Variants in PTPRD observed in about 807,000 individuals in gnomAD.
The protein encoded by PTPRD is receptor-type tyrosine-protein phosphatase delta.
A neutral mutation model predicts 214.5 loss-of-function variants in PTPRD; 34 were observed. The ratio of observed to expected loss-of-function variants is 0.16; its 90% CI spans 0.12 to 0.21. The LOEUF (loss-of-function observed/expected upper bound fraction) is 0.21, where lower values mean the gene tolerates loss of function less well. Ranked by LOEUF, PTPRD falls within the 10% of genes least tolerant of loss-of-function variation. The pLI, the probability that PTPRD is intolerant of heterozygous loss-of-function variation, is 1.00. For synonymous variants in PTPRD, 1,128 were observed against 845.7 expected (o/e 1.33, Z -5.79); for missense variants, 2,545 against 2,398.7 (o/e 1.06, Z -1.27).
intron 3 of PTPRD, among the ~76,000 whole-genome samples, chr9:10,226,309 T>C (rs955323111): frequency 3.9e-5 from 6 of 152,014 alleles, no homozygotes; most frequent in Non-Finnish European, 7.4e-5. Context: ...ACTGTGGAGC[T>C]CATGTCCATG....
intron 10 of PTPRD, among the ~76,000 whole-genome samples, chr9:9,163,330 G>A (rs759220698): frequency 6.6e-6 from 1 of 151,896 alleles, no homozygotes; most frequent in Non-Finnish European, 1.5e-5. Flanking sequence ...ATGCACTCAT[G>A]ATCTCCTTAT....
chr9:10,587,450 A>G (rs994870622), intron 2 of PTPRD, among the ~76,000 whole-genome samples: 1 of 152,136 alleles, frequency 6.6e-6, no homozygotes, highest in Non-Finnish European at 1.5e-5. Context: ...ATATCATAAG[A>G]GTGAAAATTA....
intron 36 of PTPRD, among the ~76,000 whole-genome samples, chr9:8,401,079 T>C (rs376822986): frequency 1.2e-4 from 18 of 152,324 alleles, no homozygotes; most frequent in African/African-American, 3.8e-4. Flanking sequence ...CATAATATTA[T>C]ATATTCTGTT....
At chr9:9,957,948 CA>C (rs2094066877) in intron 4 of PTPRD, among the ~76,000 whole-genome samples, 1 of 151,322 alleles carries the variant, frequency 6.6e-6, no homozygotes, top group South Asian at 2.1e-4. Context: ...TGATCTTTGA[CA>C]AAAAAGCAAG....
intron 2 of PTPRD, among the ~76,000 whole-genome samples, chr9:10,504,723 C>T (rs1192556862): frequency 6.6e-6 from 1 of 152,306 alleles, no homozygotes; most frequent in East Asian, 1.9e-4. Flanking sequence ...TACTTCTCCA[C>T]AGGCATAAAG....
intron 12 of PTPRD, among the ~76,000 whole-genome samples, chr9:8,642,701 G>A (rs1281432719): frequency 6.6e-6 from 1 of 152,146 alleles, no homozygotes; most frequent in African/African-American, 2.4e-5. Context: ...AAGGTTTGAG[G>A]GGAATGAGTT....
intron 3 of PTPRD, among the ~76,000 whole-genome samples, chr9:10,217,937 A>G (rs1239824343): frequency 6.6e-6 from 1 of 151,960 alleles, no homozygotes; most frequent in African/African-American, 2.4e-5. Context: ...CTCTTCCCAT[A>G]GAAGCTTATG....
At position 9,726,736 on chromosome 9, in the gene PTPRD, T is replaced by C. The variant is rs143766263; in HGVS notation, c.-287+7797A>G. ...GATAACTTTTCAAGGCTTACATCTTTCTTTGACATTAGAGTTTGTATAGCA... is the reference window on the plus strand; with the variant it reads ...GATAACTTTTCAAGGCTTACATCTTCCTTTGACATTAGAGTTTGTATAGCA... On this transcript the variant is annotated intron_variant, in intron 7 of 45. Transcript: ENST00000381196. Among the ~76,000 whole-genome samples, 1,106 of 152,326 alleles carry C rather than the reference T, an allele frequency of 7.3e-3. 8 individuals are homozygous for C. Among genetic ancestry groups the C allele is most frequent in the Non-Finnish European group, 0.011 (753 of 68,026 alleles).
chr9:10,257,269 C>T (rs2093353834), intron 3 of PTPRD, among the ~76,000 whole-genome samples: 1 of 152,166 alleles, frequency 6.6e-6, no homozygotes, highest in African/African-American at 2.4e-5. Context: ...AACAATTTGC[C>T]TATATCTGCT....
chr9:10,236,170 C>T (rs1265364142), intron 3 of PTPRD, among the ~76,000 whole-genome samples: 1 of 151,888 alleles, frequency 6.6e-6, no homozygotes, highest in East Asian at 1.9e-4. Flanking sequence ...TATACCTGCA[C>T]TCTACAGAGA....
chr9:9,113,347 G>A (rs547643938), intron 10 of PTPRD, among the ~76,000 whole-genome samples: 5 of 151,838 alleles, frequency 3.3e-5, no homozygotes, highest in Admixed American at 2.6e-4. Context: ...AAGTATATTC[G>A]ATATTTACTA....
At chr9:9,031,976 T>C (rs2099607015) in intron 10 of PTPRD, among the ~76,000 whole-genome samples, 1 of 152,096 alleles carries the variant, frequency 6.6e-6, no homozygotes, top group Non-Finnish European at 1.5e-5. Context: ...GATAATCACA[T>C]ATTTTTCATG....
chr9:9,530,236 A>G (rs1408327578), intron 8 of PTPRD, among the ~76,000 whole-genome samples: 1 of 152,172 alleles, frequency 6.6e-6, no homozygotes, highest in Non-Finnish European at 1.5e-5. Flanking sequence ...AAAACAATAA[A>G]ATCAATGAAA....
intron 9 of PTPRD, among the ~76,000 whole-genome samples, chr9:9,286,771 A>C (rs1184127798): frequency 1.3e-5 from 2 of 148,562 alleles, no homozygotes; most frequent in Non-Finnish European, 3.0e-5. Flanking sequence ...CCAGTGTCTC[A>C]TTTTTCTTTG....
At chr9:8,323,614 G>GA (rs1830638763) in intron 44 of PTPRD, among the ~76,000 whole-genome samples, 1 of 136,508 alleles carries the variant, frequency 7.3e-6, no homozygotes, top group African/African-American at 3.2e-5. Flanking sequence ...GGAATAGCAA[G>GA]ATAACTAGAA....
chr9:10,518,785 G>A (rs948377605), intron 2 of PTPRD, among the ~76,000 whole-genome samples: 1 of 151,560 alleles, frequency 6.6e-6, no homozygotes, highest in African/African-American at 2.4e-5. Flanking sequence ...GCCCGCCTTG[G>A]CCTCCCAAAG....
At chr9:10,095,760 C>T (rs1197056533) in intron 3 of PTPRD, among the ~76,000 whole-genome samples, 1 of 151,530 alleles carries the variant, frequency 6.6e-6, no homozygotes, top group Admixed American at 6.6e-5. Context: ...TTAATTTATA[C>T]AACCAAAATG....
At chr9:9,395,718 T>G (rs1465206570) in intron 9 of PTPRD, among the ~76,000 whole-genome samples, 1 of 152,048 alleles carries the variant, frequency 6.6e-6, no homozygotes, top group Non-Finnish European at 1.5e-5. Context: ...AGATCTGAAC[T>G]AGCTGAACAA....
At chr9:8,325,440 C>T (rs1169476765) in intron 44 of PTPRD, among the ~76,000 whole-genome samples, 1 of 148,616 alleles carries the variant, frequency 6.7e-6, no homozygotes, top group Admixed American at 7.0e-5. Flanking sequence ...TGTTCTGTTC[C>T]ATTGGTCTAT....
Sources: allele counts gnomAD v4.1 joint callset (sites outside exome capture counted in the v4.1 genomes callset), GRCh38; gene constraint gnomAD v4.1.1; transcripts MANE v1.5; gene names NCBI Gene and HGNC (gene_info 2026-07-23, HGNC 2026-07-21).